The following HS2ST1 variants were observed in gnomAD, a reference collection of about 807,000 sequenced individuals.
The protein encoded by HS2ST1 is heparan sulfate 2-O-sulfotransferase 1.
In HS2ST1, 18 loss-of-function variants were observed where a neutral mutation model predicts 42.9. That is an observed-to-expected ratio of 0.42 (90% CI 0.29 to 0.62). The LOEUF is 0.62. HS2ST1 is among the 20% of genes least tolerant of loss of function. The pLI, the probability that HS2ST1 is intolerant of heterozygous loss-of-function variation, is 0.21. For synonymous variants in HS2ST1, 146 were observed against 152.9 expected, an observed-to-expected ratio of 0.95 and a Z score of 0.33; for missense variants, 334 against 433.8, an observed-to-expected ratio of 0.77 and a Z score of 2.04.
chr1:86,947,148 T>G (rs906657495), intron 1 of HS2ST1, among the ~76,000 whole-genome samples: 10 of 152,230 alleles, frequency 6.6e-5, no homozygotes, highest in Admixed American at 6.5e-4. Context: ...GGAGCCCACA[T>G]TTTTGCTCCA....
At chr1:87,070,865 C>A (rs1188216933) in intron 1 of HS2ST1, among the ~76,000 whole-genome samples, 5 of 152,108 alleles carry the variant, frequency 3.3e-5, no homozygotes, top group Non-Finnish European at 7.4e-5. Flanking sequence ...ATCCTAGGGT[C>A]TCTGTCTGTG....
intron 5 of HS2ST1, among the ~76,000 whole-genome samples, chr1:87,102,047 G>A (rs113334218): frequency 4.6e-5 from 7 of 151,912 alleles, no homozygotes; most frequent in South Asian, 4.2e-4. Context: ...GGACCCAGTC[G>A]TTTATTATTA....
intron 1 of HS2ST1, chr1:86,993,139 TG>T: frequency 6.3e-7 from 1 of 1,598,992 alleles, no homozygotes; most frequent in South Asian, 1.1e-5. Context: ...TACTGTATTT[TG>T]GGGTAGCATG....
intron 1 of HS2ST1, among the ~76,000 whole-genome samples, chr1:86,923,747 T>C (rs548354099): frequency 6.0e-4 from 91 of 152,274 alleles, no homozygotes; most frequent in Non-Finnish European, 1.0e-3. Context: ...TTCACTATCA[T>C]GGGAACAGCA....
intron 1 of HS2ST1, among the ~76,000 whole-genome samples, chr1:87,013,009 A>G (rs1439377785): frequency 6.6e-6 from 1 of 152,220 alleles, no homozygotes; most frequent in Non-Finnish European, 1.5e-5. Context: ...CGCAGGGTAC[A>G]GCCTCCCTTG....
chr1:87,046,055 T>A, intron 1 of HS2ST1: 1 of 665,746 alleles, frequency 1.5e-6, no homozygotes, highest in Non-Finnish European at 2.9e-6. Context: ...CTAATATGGT[T>A]GCCTACCATG....
rs187008204 is a variant in HS2ST1 at position 86,981,684 on chromosome 1, C to T, written c.124+66524C>T. On this transcript the variant is annotated intron_variant, in intron 1 of 6. Transcript: ENST00000370550. ...CACACTGATGCAAGGGATAGGCTCC[C>T]ACGGCCTTGGGCACTCTGCCCTTGT... is the stretch of plus-strand genomic sequence containing the variant. Among the ~76,000 whole-genome samples the T allele has an allele frequency of 2.6e-5, 4 of 152,362 alleles. No individual in the cohort carries two copies. The East Asian group carries it at 7.7e-4, about 29-fold the overall frequency.
intron 1 of HS2ST1, among the ~76,000 whole-genome samples, chr1:87,008,874 C>CA (rs1403710078): frequency 6.6e-6 from 1 of 152,144 alleles, no homozygotes; most frequent in Non-Finnish European, 1.5e-5. Flanking sequence ...GACAGGGTCT[C>CA]AGTCTGTCAC....
chr1:87,049,664 C>T (rs1473595603), intron 1 of HS2ST1, among the ~76,000 whole-genome samples: 1 of 151,824 alleles, frequency 6.6e-6, no homozygotes, highest in South Asian at 2.1e-4. Flanking sequence ...TATTTTGAAC[C>T]TTGTTTTATG....
intron 1 of HS2ST1, among the ~76,000 whole-genome samples, chr1:86,930,585 C>G (rs914085215): frequency 1.3e-5 from 2 of 151,846 alleles, no homozygotes; most frequent in African/African-American, 4.8e-5. Context: ...AGGACCTTAC[C>G]ATTTTCTAAG....
At chr1:87,004,776 G>C (rs1296135986) in intron 1 of HS2ST1, among the ~76,000 whole-genome samples, 2 of 152,172 alleles carry the variant, frequency 1.3e-5, no homozygotes, top group Non-Finnish European at 2.9e-5. Flanking sequence ...GTTTTTTGAA[G>C]AATATTAAGA....
chr1:87,035,323 G>A (rs1159059549), intron 1 of HS2ST1, among the ~76,000 whole-genome samples: 1 of 152,162 alleles, frequency 6.6e-6, no homozygotes, highest in African/African-American at 2.4e-5. Context: ...ATTGTAAGTA[G>A]TACTTCTAAT....
intron 1 of HS2ST1, among the ~76,000 whole-genome samples, chr1:87,070,994 T>C (rs1458549363): frequency 1.3e-5 from 2 of 152,194 alleles, no homozygotes; most frequent in Non-Finnish European, 2.9e-5. Context: ...TATCCAACAG[T>C]GTATTCAATA....
intron 1 of HS2ST1, among the ~76,000 whole-genome samples, chr1:86,955,153 TAAA>T (rs1216222878): frequency 6.6e-6 from 1 of 152,208 alleles, no homozygotes; most frequent in Non-Finnish European, 1.5e-5. Flanking sequence ...TTTCTGTGTC[TAAA>T]GACAAAAATA....
At chr1:87,073,323 A>G (rs1651463469) in intron 2 of HS2ST1, 151 bp downstream of exon 2, 1 of 634,952 alleles carries the variant, frequency 1.6e-6, no homozygotes, top group Non-Finnish European at 2.8e-6. Context: ...TAACTTTTGT[A>G]TAATTTTACT....
At chr1:87,098,430 CTG>C (rs1281585531) in intron 5 of HS2ST1, 7 of 651,954 alleles carry the variant, frequency 1.1e-5, no homozygotes, top group South Asian at 7.0e-5. Flanking sequence ...TTAATAAGAA[CTG>C]TATTTCCTCA....
At chr1:86,955,966 GT>G (rs1482073687) in intron 1 of HS2ST1, among the ~76,000 whole-genome samples, 5 of 152,166 alleles carry the variant, frequency 3.3e-5, no homozygotes, top group African/African-American at 4.8e-5. Flanking sequence ...TCCAGCCTGG[GT>G]TGCAGAGTGA....
At chr1:87,098,013 A>G in intron 5 of HS2ST1, 78 bp downstream of exon 5, 2 of 1,582,746 alleles carry the variant, frequency 1.3e-6, no homozygotes, top group South Asian at 1.1e-5. Flanking sequence ...CACAAGGGCT[A>G]GATATAGGGA....
chr1:86,981,355 T>G (rs1383877742), intron 1 of HS2ST1, among the ~76,000 whole-genome samples: 1 of 152,130 alleles, frequency 6.6e-6, no homozygotes, highest in Non-Finnish European at 1.5e-5. Flanking sequence ...AACACAATCA[T>G]ACCTTCCCAA....
Sources: gnomAD v4.1 joint callset for allele counts (sites outside exome capture counted in the v4.1 genomes callset) on GRCh38, gnomAD v4.1.1 for gene constraint, MANE v1.5 for transcripts, NCBI Gene and HGNC (gene_info 2026-07-23, HGNC 2026-07-21) for gene names.